Variants in PSD3 observed in about 807,000 individuals in gnomAD.
PSD3 encodes pleckstrin and Sec7 domain containing 3.
In PSD3, 49 loss-of-function variants were observed where a neutral mutation model predicts 105.5. The ratio of observed to expected loss-of-function variants is 0.46; its 90% CI spans 0.37 to 0.59. The LOEUF (loss-of-function observed/expected upper bound fraction) is 0.59, where lower values mean the gene tolerates loss of function less well. Ranked by LOEUF, PSD3 falls within the 20% of genes least tolerant of loss-of-function variation. PSD3 has a pLI of 0.00. For missense variants in PSD3, 1,561 were observed against 1,263.8 expected (o/e 1.24, Z -3.57); for synonymous variants, 557 against 457.8 (o/e 1.22, Z -2.77).
At chr8:18,729,666 C>A (rs1379030625) in intron 9 of PSD3, among the ~76,000 whole-genome samples, 1 of 152,218 alleles carries the variant, frequency 6.6e-6, no homozygotes, top group Non-Finnish European at 1.5e-5. Context: ...ACATCTGTCT[C>A]ATGTATTACC....
In PSD3 at chr8:19,058,970, C is replaced by G. The variant is rs561236047; in HGVS notation, c.324+25236G>C. Reference sequence around the variant, plus strand: ...CTCGCGTTCACTCTTCAAAGCAGAGCTACCCAACCTGAAGAGATATAGCAT... The same window carrying G: ...CTCGCGTTCACTCTTCAAAGCAGAGGTACCCAACCTGAAGAGATATAGCAT... On this transcript the variant is annotated intron_variant, in intron 1 of 1. Coordinates refer to the PSD3 transcript ENST00000521475. 5.9e-5 allele frequency among the ~76,000 whole-genome samples: 9 copies of G among 152,330 alleles called. No individual in the cohort carries two copies. The South Asian group carries it at 1.9e-3, about 32-fold the overall frequency.
At chr8:18,813,839 T>C (rs1045398870) in intron 4 of PSD3, among the ~76,000 whole-genome samples, 3 of 152,182 alleles carry the variant, frequency 2.0e-5, no homozygotes, top group Non-Finnish European at 4.4e-5. Context: ...AGAAGATCCA[T>C]GTATGATGCT....
At chr8:18,896,592 T>C (rs1388357223) in intron 2 of PSD3, among the ~76,000 whole-genome samples, 1 of 152,042 alleles carries the variant, frequency 6.6e-6, no homozygotes, top group Non-Finnish European at 1.5e-5. Flanking sequence ...TTTGTATTTT[T>C]TGTAGAGATG....
chr8:18,622,464 A>T (rs1806183991), intron 11 of PSD3, among the ~76,000 whole-genome samples: 1 of 152,214 alleles, frequency 6.6e-6, no homozygotes, highest in Non-Finnish European at 1.5e-5. Flanking sequence ...TAACAAACTT[A>T]ACTATGCCAT....
intron 3 of PSD3, 114 bp downstream of exon 3, chr8:18,871,493 GTAACTCATCTTATATTCCA>G: frequency 4.2e-6 from 5 of 1,182,486 alleles, no homozygotes; most frequent in Non-Finnish European, 5.9e-6. Context: ...CTAGCTCACA[GTAACTCATCTTATATTCCA>G]TGATAACAAG....
chr8:18,770,083 A>C (rs1807371930), intron 8 of PSD3, among the ~76,000 whole-genome samples: 1 of 152,168 alleles, frequency 6.6e-6, no homozygotes, highest in African/African-American at 2.4e-5. Context: ...GCACCATTTC[A>C]CATTCCCACA....
intron 3 of PSD3, among the ~76,000 whole-genome samples, chr8:18,869,776 T>C (rs536979230): frequency 6.6e-6 from 1 of 152,342 alleles, no homozygotes; most frequent in South Asian, 2.1e-4. Flanking sequence ...AGGTCTCTGT[T>C]CTTTCCTTCA....
chr8:18,961,852 C>T (rs1033251496), intron 1 of PSD3, among the ~76,000 whole-genome samples: 2 of 152,158 alleles, frequency 1.3e-5, no homozygotes, highest in African/African-American at 4.8e-5. Flanking sequence ...AGTATGTGTG[C>T]TTCCTCCACT....
chr8:18,572,012 T>C (rs1386216505), intron 14 of PSD3, among the ~76,000 whole-genome samples: 1 of 152,164 alleles, frequency 6.6e-6, no homozygotes, highest in Admixed American at 6.5e-5. Flanking sequence ...TGGAGCAGAG[T>C]TCTGGTATAC....
At chr8:18,624,663 G>A (rs1378585346) in intron 11 of PSD3, among the ~76,000 whole-genome samples, 1 of 142,204 alleles carries the variant, frequency 7.0e-6, no homozygotes, top group Non-Finnish European at 1.5e-5. Flanking sequence ...TTGTGCACAT[G>A]TACCCTAAAA....
At chr8:18,983,220 C>G (rs892462167) in intron 1 of PSD3, among the ~76,000 whole-genome samples, 2 of 152,170 alleles carry the variant, frequency 1.3e-5, no homozygotes, top group Non-Finnish European at 2.9e-5. Context: ...CCTCTCTCAG[C>G]CAAGAATTGG....
At chr8:18,656,566 TGG>T (rs1228681703) in intron 9 of PSD3, among the ~76,000 whole-genome samples, 1 of 152,142 alleles carries the variant, frequency 6.6e-6, no homozygotes, top group Non-Finnish European at 1.5e-5. Flanking sequence ...TGGGTGTGTG[TGG>T]TTGTGGCAGA....
intron 14 of PSD3, among the ~76,000 whole-genome samples, chr8:18,568,200 T>C (rs549879841): frequency 1.3e-3 from 196 of 152,274 alleles, no homozygotes; most frequent in South Asian, 5.0e-3. Flanking sequence ...GTATTCTTTA[T>C]AGAAACACAA....
intron 9 of PSD3, among the ~76,000 whole-genome samples, chr8:18,751,391 G>C (rs1805480370): frequency 1.3e-5 from 2 of 152,238 alleles, no homozygotes; most frequent in Non-Finnish European, 2.9e-5. Context: ...ACCAGAGGAA[G>C]TTAGAACATG....
At chr8:18,788,475 C>A (rs910805359) in intron 8 of PSD3, among the ~76,000 whole-genome samples, 6 of 152,172 alleles carry the variant, frequency 3.9e-5, no homozygotes, top group African/African-American at 7.2e-5. Flanking sequence ...AACTTAAAAT[C>A]AGCCCTAGGA....
intron 9 of PSD3, among the ~76,000 whole-genome samples, chr8:18,746,598 G>C (rs1234438734): frequency 6.6e-6 from 1 of 152,160 alleles, no homozygotes; most frequent in Non-Finnish European, 1.5e-5. Flanking sequence ...AGAATTAATA[G>C]CTCATACCCC....
intron 9 of PSD3, among the ~76,000 whole-genome samples, chr8:18,664,177 A>G (rs575231673): frequency 1.2e-4 from 18 of 152,234 alleles, no homozygotes; most frequent in Non-Finnish European, 2.2e-4. Flanking sequence ...CTCACTTTAA[A>G]TCAAAAGCTA....
chr8:18,673,405 A>T (rs1799898081), intron 9 of PSD3, among the ~76,000 whole-genome samples: 1 of 152,114 alleles, frequency 6.6e-6, no homozygotes, highest in Admixed American at 6.5e-5. Context: ...GGAGTTAATC[A>T]TCATCTTATT....
chr8:18,925,042 G>A (rs1039338723), intron 2 of PSD3, among the ~76,000 whole-genome samples: 2 of 152,052 alleles, frequency 1.3e-5, no homozygotes, highest in South Asian at 2.1e-4. Context: ...AAAACATAAC[G>A]AATACAATAG....
Sources: allele counts gnomAD v4.1 joint callset (sites outside exome capture counted in the v4.1 genomes callset), GRCh38; gene constraint gnomAD v4.1.1; transcripts MANE v1.5; gene names NCBI Gene and HGNC (gene_info 2026-07-23, HGNC 2026-07-21).